NEBL: variants seen among roughly 807,000 people sequenced by gnomAD.
NEBL encodes the protein LIM and SH3 protein 2.
A neutral mutation model predicts 140.2 loss-of-function variants in NEBL; 122 were observed. The ratio of observed to expected loss-of-function variants is 0.87; its 90% CI spans 0.75 to 1.01. NEBL has a LOEUF of 1.01. Among genes scored for constraint, NEBL ranks in the 50% least tolerant of loss-of-function variants. NEBL has a pLI of 0.00. For synonymous variants in NEBL, 436 were observed against 398.9 expected, an observed-to-expected ratio of 1.09 and a Z score of -1.11; for missense variants, 1,365 against 1,231.3, an observed-to-expected ratio of 1.11 and a Z score of -1.62.
Position 20,784,161 on chromosome 10 carries a change from T to C in NEBL, c.*1586A>G, listed in dbSNP as rs1397856790. On this transcript the variant is annotated 3_prime_UTR_variant, in exon 28 of 28. Coordinates refer to ENST00000377122, the MANE Select transcript of NEBL (RefSeq NM_006393.3). ...CAGATATCCCCAAGACCCGTACATC[T>C]TAGTACTTTTTTGCAGTTTTGCTTT... 1 of 152,198 alleles carries C rather than the reference T, an allele frequency of 6.6e-6. No homozygotes were observed. The highest frequency in any genetic ancestry group is 1.5e-5 in the Non-Finnish European group (1 of 68,040). The allele number at this position is 152,198 out of a possible 1,614,324, so 9.4% of individuals were successfully genotyped here.
chr10:20,887,423 T>A (rs1485286621), intron 4 of NEBL, among the ~76,000 whole-genome samples: 1 of 144,462 alleles, frequency 6.9e-6, no homozygotes. Context: ...TTTTTTTTTT[T>A]TTTTTTTTTT....
chr10:21,242,746 A>C (rs1027243965), intron 3 of NEBL, among the ~76,000 whole-genome samples: 4 of 152,344 alleles, frequency 2.6e-5, no homozygotes, highest in African/African-American at 9.6e-5. Context: ...AAGCATTTCA[A>C]TATACCCAGT....
chr10:20,805,620 A>G (rs2130740038), intron 26 of NEBL, among the ~76,000 whole-genome samples: 1 of 152,286 alleles, frequency 6.6e-6, no homozygotes, highest in East Asian at 1.9e-4. Flanking sequence ...TGGGAGGCGG[A>G]GGCAAGTGGA....
chr10:20,788,264 T>C (rs1004327037), intron 26 of NEBL, among the ~76,000 whole-genome samples: 1 of 152,208 alleles, frequency 6.6e-6, no homozygotes, highest in Non-Finnish European at 1.5e-5. Context: ...GAAAAATTTA[T>C]GTGCTACATT....
intron 3 of NEBL, among the ~76,000 whole-genome samples, chr10:21,007,186 C>T (rs1239634162): frequency 1.3e-5 from 2 of 152,278 alleles, no homozygotes; most frequent in African/African-American, 4.8e-5. Context: ...AGTCAGGGGT[C>T]AGGTCTTTCC....
chr10:21,288,754 C>A, intron 1 of NEBL, among the ~76,000 whole-genome samples: 2 of 62,050 alleles, frequency 3.2e-5, no homozygotes, highest in African/African-American at 6.0e-5. Context: ...AGCGAGACTC[C>A]ATCGCCAAAA....
At chr10:21,067,022 T>C (rs143391322) in intron 2 of NEBL, among the ~76,000 whole-genome samples, 1 of 138,654 alleles carries the variant, frequency 7.2e-6, no homozygotes, top group African/African-American at 2.6e-5. Context: ...GCCCAGGCTG[T>C]AGTGCAGTGG....
chr10:20,913,000 G>C (rs1226020677), intron 4 of NEBL, among the ~76,000 whole-genome samples: 1 of 149,700 alleles, frequency 6.7e-6, no homozygotes, highest in Non-Finnish European at 1.5e-5. Context: ...GGCCTCAAAT[G>C]ATCCTCCTGT....
chr10:21,028,534 CAAAGCTAA>C, intron 2 of NEBL, among the ~76,000 whole-genome samples: 1 of 151,962 alleles, frequency 6.6e-6, no homozygotes, highest in Non-Finnish European at 1.5e-5. Flanking sequence ...TTTTTAAAGA[CAAAGCTAA>C]AATACTGGAC....
chr10:20,884,253 T>G (rs788958), intron 4 of NEBL, among the ~76,000 whole-genome samples: 33,883 of 152,208 alleles, frequency 0.22, 4,173 homozygotes, highest in East Asian at 0.42. Context: ...ATTTATTCAT[T>G]TATTTTAGAG....
At chr10:20,989,257 TA>T (rs371089211) in intron 3 of NEBL, among the ~76,000 whole-genome samples, 11 of 152,116 alleles carry the variant, frequency 7.2e-5, no homozygotes, top group African/African-American at 2.7e-4. Context: ...TTACCTAGTT[TA>T]AAAACATATT....
chr10:21,157,025 G>A (rs1490450475), intron 2 of NEBL, among the ~76,000 whole-genome samples: 1 of 152,092 alleles, frequency 6.6e-6, no homozygotes, highest in Non-Finnish European at 1.5e-5. Flanking sequence ...ATCTATCAGA[G>A]AACAATTTTC....
At chr10:20,806,445 AT>A (rs1169073781) in intron 26 of NEBL, among the ~76,000 whole-genome samples, 1 of 152,022 alleles carries the variant, frequency 6.6e-6, no homozygotes, top group South Asian at 2.1e-4. Context: ...TATCAGAAAC[AT>A]TTTTCTCCCA....
intron 2 of NEBL, among the ~76,000 whole-genome samples, chr10:21,073,731 C>A (rs367771080): frequency 1.8e-4 from 28 of 151,946 alleles, no homozygotes; most frequent in African/African-American, 6.8e-4. Flanking sequence ...TTCTAGGCAA[C>A]CTGTTAACAT....
At chr10:21,042,098 G>A (rs1047289248) in intron 2 of NEBL, among the ~76,000 whole-genome samples, 6 of 152,300 alleles carry the variant, frequency 3.9e-5, no homozygotes, top group Admixed American at 1.3e-4. Context: ...CTGTGACTAA[G>A]AATGCCCAAC....
At chr10:21,118,392 T>C (rs1407441401) in intron 2 of NEBL, among the ~76,000 whole-genome samples, 1 of 152,168 alleles carries the variant, frequency 6.6e-6, no homozygotes. Flanking sequence ...TGACTCCATT[T>C]TACATTTAGT....
intron 3 of NEBL, among the ~76,000 whole-genome samples, chr10:21,218,601 C>T (rs1476493568): frequency 3.3e-5 from 5 of 152,088 alleles, no homozygotes. Context: ...TTTTCCTCTG[C>T]CCATGGAACA....
intron 1 of NEBL, among the ~76,000 whole-genome samples, chr10:21,255,014 G>A (rs1055158703): frequency 1.3e-5 from 2 of 152,100 alleles, no homozygotes; most frequent in Admixed American, 1.3e-4. Flanking sequence ...GATGTAGCTG[G>A]AGTTCTCTGC....
At chr10:20,972,233 T>C (rs528133707) in intron 3 of NEBL, among the ~76,000 whole-genome samples, 5 of 152,270 alleles carry the variant, frequency 3.3e-5, no homozygotes, top group Admixed American at 3.3e-4. Context: ...TCACAGCTGA[T>C]AAAAGTGACA....
Sources: gnomAD v4.1 joint callset for allele counts (sites outside exome capture counted in the v4.1 genomes callset) on GRCh38, gnomAD v4.1.1 for gene constraint, MANE v1.5 for transcripts, NCBI Gene and HGNC (gene_info 2026-07-23, HGNC 2026-07-21) for gene names.